Variants in CDH13 observed in about 807,000 individuals in gnomAD.
CDH13 encodes the protein cadherin 13.
CDH13 carries 24 observed loss-of-function variants against 63.8 expected under a neutral mutation model. The ratio of observed to expected loss-of-function variants is 0.38; its 90% CI spans 0.27 to 0.53. The LOEUF (loss-of-function observed/expected upper bound fraction) is 0.53, where lower values mean the gene tolerates loss of function less well. Ranked by LOEUF, CDH13 falls within the 20% of genes least tolerant of loss-of-function variation. CDH13 has a pLI of 0.85. For synonymous variants in CDH13, 503 were observed against 355.3 expected, an observed-to-expected ratio of 1.42 and a Z score of -4.67; for missense variants, 1,049 against 903.1, an observed-to-expected ratio of 1.16 and a Z score of -2.07.
intron 5 of CDH13, among the ~76,000 whole-genome samples, chr16:83,264,440 T>C (rs923529857): frequency 2.0e-5 from 3 of 152,122 alleles, no homozygotes; most frequent in African/African-American, 4.8e-5. Context: ...TATATACTTA[T>C]ATGTGGATAT....
intron 1 of CDH13, among the ~76,000 whole-genome samples, chr16:82,630,877 C>T (rs1288589936): frequency 6.6e-6 from 1 of 152,116 alleles, no homozygotes. Context: ...TCTTGTAATA[C>T]CTGTTGAAAA....
intron 4 of CDH13, among the ~76,000 whole-genome samples, chr16:83,193,126 C>G (rs533048605): frequency 6.6e-6 from 1 of 151,076 alleles, no homozygotes; most frequent in East Asian, 2.0e-4. Flanking sequence ...ATGACAGAAT[C>G]ATCAACATCC....
At chr16:83,301,764 A>G (rs1178617855) in intron 5 of CDH13, among the ~76,000 whole-genome samples, 1 of 152,126 alleles carries the variant, frequency 6.6e-6, no homozygotes, top group African/African-American at 2.4e-5. Context: ...TCAAAAATTT[A>G]CATCATTTCC....
intron 4 of CDH13, among the ~76,000 whole-genome samples, chr16:83,209,366 G>A (rs1053788576): frequency 6.6e-6 from 1 of 152,128 alleles, no homozygotes; most frequent in Non-Finnish European, 1.5e-5. Flanking sequence ...AGATTTCCTA[G>A]CTTGGAACAG....
intron 1 of CDH13, among the ~76,000 whole-genome samples, chr16:82,841,042 G>A (rs1196235464): frequency 6.6e-6 from 1 of 152,236 alleles, no homozygotes; most frequent in Non-Finnish European, 1.5e-5. Flanking sequence ...TGTGATGACA[G>A]AAGGCAAATG....
chr16:83,274,803 C>G (rs1258499005), intron 5 of CDH13, among the ~76,000 whole-genome samples: 1 of 152,144 alleles, frequency 6.6e-6, no homozygotes, highest in Non-Finnish European at 1.5e-5. Context: ...TGGGTGTGAA[C>G]TATAATTTGT....
intron 8 of CDH13, among the ~76,000 whole-genome samples, chr16:83,605,372 T>C (rs191179419): frequency 4.8e-4 from 73 of 152,334 alleles, no homozygotes; most frequent in Admixed American, 8.5e-4. Context: ...ATGTTCTTTG[T>C]TGAAGGGGAT....
intron 7 of CDH13, among the ~76,000 whole-genome samples, chr16:83,505,540 T>G (rs1817731): frequency 0.19 from 7,980 of 41,188 alleles, 554 homozygotes; most frequent in Non-Finnish European, 0.27. Context: ...CCTTTTTTTT[T>G]TTTTTTTTTT....
intron 1 of CDH13, among the ~76,000 whole-genome samples, chr16:82,817,495 GCA>G (rs1269331608): frequency 6.6e-6 from 1 of 152,122 alleles, no homozygotes; most frequent in Non-Finnish European, 1.5e-5. Context: ...ACACTTAAAT[GCA>G]CACACATATA....
At chr16:82,916,467 G>T (rs945449711) in intron 2 of CDH13, among the ~76,000 whole-genome samples, 10 of 152,212 alleles carry the variant, frequency 6.6e-5, no homozygotes, top group Admixed American at 5.9e-4. Context: ...CTAGCTAGTT[G>T]GGAGGCTGAG....
At chr16:82,839,067 C>G (rs2038894154) in intron 1 of CDH13, among the ~76,000 whole-genome samples, 1 of 152,200 alleles carries the variant, frequency 6.6e-6, no homozygotes, top group South Asian at 2.1e-4. Context: ...TTTACAAAAA[C>G]TGACAATAGG....
rs779678031 is a variant in CDH13 at position 83,783,456 on chromosome 16, C to T, written c.2118C>T (p.Ser706=). The T allele has an allele frequency of 3.1e-6, 5 of 1,613,850 alleles. No homozygotes were observed. The South Asian group carries it at 3.3e-5, about 11-fold the overall frequency. ...RFSLPSVLLL[S]LFSLACL ...GCCTGCCCTCAGTCCTGCTCCTCAG[C>T]CTCTTCAGCTTAGCTTGTAAGTTGA... The change falls in exon 13 of 14, where the codon AGC becomes AGT. Residue 706 remains serine, a synonymous_variant. Transcript: ENST00000567109.
chr16:83,337,108 T>C (rs1466095344), intron 5 of CDH13, among the ~76,000 whole-genome samples: 2 of 152,222 alleles, frequency 1.3e-5, no homozygotes, highest in Non-Finnish European at 2.9e-5. Context: ...TTTTAAGGGA[T>C]TCTTTTCAAA....
At chr16:82,668,947 G>A (rs1400791987) in intron 1 of CDH13, among the ~76,000 whole-genome samples, 1 of 152,192 alleles carries the variant, frequency 6.6e-6, no homozygotes, top group East Asian at 1.9e-4. Context: ...CAACAGGGCT[G>A]GCTGTTATTC....
intron 3 of CDH13, among the ~76,000 whole-genome samples, chr16:83,120,701 C>G (rs2035527623): frequency 2.6e-5 from 4 of 151,568 alleles, no homozygotes; most frequent in Admixed American, 2.0e-4. Context: ...AACAAACCAA[C>G]AGAATCTTCA....
intron 8 of CDH13, among the ~76,000 whole-genome samples, chr16:83,664,373 C>T (rs1006577596): frequency 1.3e-5 from 2 of 152,078 alleles, no homozygotes; most frequent in Admixed American, 6.6e-5. Context: ...AACCACAGGT[C>T]CCTTGAGTGG....
intron 6 of CDH13, among the ~76,000 whole-genome samples, chr16:83,447,193 T>G (rs1041845488): frequency 1.2e-4 from 16 of 132,344 alleles, no homozygotes; most frequent in African/African-American, 4.7e-4. Flanking sequence ...GGCAGATGGA[T>G]CACCTGAGGT....
chr16:83,563,109 T>C (rs2075736365), intron 7 of CDH13, among the ~76,000 whole-genome samples: 1 of 152,250 alleles, frequency 6.6e-6, no homozygotes, highest in Non-Finnish European at 1.5e-5. Flanking sequence ...CGTGAATTAA[T>C]GAACAAACTT....
At chr16:83,692,374 C>T (rs915314482) in intron 10 of CDH13, among the ~76,000 whole-genome samples, 3 of 152,144 alleles carry the variant, frequency 2.0e-5, no homozygotes, top group African/African-American at 7.2e-5. Context: ...GCATTCTTCC[C>T]GGCTTGCTCT....
Sources: allele counts gnomAD v4.1 joint callset (sites outside exome capture counted in the v4.1 genomes callset), GRCh38; gene constraint gnomAD v4.1.1; transcripts MANE v1.5; gene names NCBI Gene and HGNC (gene_info 2026-07-23, HGNC 2026-07-21).